Variants in CEP164 observed in about 807,000 individuals in gnomAD.
The protein encoded by CEP164 is centrosomal protein 164.
In CEP164, 162 loss-of-function variants were observed where a neutral mutation model predicts 182.7. That is an observed-to-expected ratio of 0.89 (90% CI 0.78 to 1.01). The LOEUF (loss-of-function observed/expected upper bound fraction) is 1.01, where lower values mean the gene tolerates loss of function less well. Among genes scored for constraint, CEP164 ranks in the 50% least tolerant of loss-of-function variants. CEP164 has a pLI of 0.00. For synonymous variants in CEP164, 661 were observed against 690.0 expected (o/e 0.96, Z 0.66); for missense variants, 1,735 against 1,790.4 (o/e 0.97, Z 0.56).
chr11:117,387,318 A>G lies in CEP164; in HGVS notation c.1840A>G (p.Lys614Glu). ...AGACCAGAGGCACCTGCTGGAATCC[A>G]AGCAAGAGAAGATGCAGCAACTGCG... is the stretch of plus-strand genomic sequence containing the variant. ...EQDQRHLLES[K>E]QEKMQQLREK... Residue 614 changes from lysine to glutamate, a missense_variant, in exon 15 of 33, where the codon AAG (lysine) becomes GAG (glutamate). Transcript: ENST00000278935. The G allele has an allele frequency of 6.2e-7, 1 of 1,614,162 alleles. No homozygotes were observed. The highest frequency in any genetic ancestry group is 8.5e-7 in the Non-Finnish European group (1 of 1,180,004).
chr11:117,383,913 A>G (rs1259770787), intron 14 of CEP164, among the ~76,000 whole-genome samples: 3 of 152,182 alleles, frequency 2.0e-5, no homozygotes, highest in Non-Finnish European at 4.4e-5. Flanking sequence ...GCAGGTGCCT[A>G]TAATCCCAGC....
intron 8 of CEP164, chr11:117,363,989 C>G (rs979999297): frequency 6.6e-6 from 1 of 152,136 alleles, no homozygotes; most frequent in Non-Finnish European, 1.5e-5. Flanking sequence ...TGGTTTCAAA[C>G]TCCCGGTCTC....
intron 8 of CEP164, among the ~76,000 whole-genome samples, chr11:117,366,340 T>C (rs929356787): frequency 1.3e-5 from 2 of 152,196 alleles, no homozygotes; most frequent in African/African-American, 4.8e-5. Flanking sequence ...CCTGTCTCAC[T>C]GAGCAGTCAC....
chr11:117,353,306 C>T lies in CEP164; in HGVS notation c.393+1318C>T, dbSNP rs145074209. 2.7e-3 allele frequency among the ~76,000 whole-genome samples: 415 copies of T among 152,268 alleles called. 2 individuals carry two copies. The highest frequency in any genetic ancestry group is 9.4e-3 in the African/African-American group (389 of 41,540). ...CCTCCCCTCCCTGACATGTTACTCA[C>T]GGTTCTGAGAAACATGGTAACAAGC... On this transcript the variant is annotated intron_variant, in intron 5 of 32. Coordinates refer to ENST00000278935, the MANE Select transcript of CEP164 (RefSeq NM_014956.5).
chr11:117,397,872 A>C (rs1236278219), intron 27 of CEP164, among the ~76,000 whole-genome samples: 1 of 152,136 alleles, frequency 6.6e-6, no homozygotes, highest in East Asian at 1.9e-4. Flanking sequence ...AAACCATATC[A>C]TTCCACCCCT....
Position 117,409,455 on chromosome 11 carries a change from C to T in CEP164, c.3749-163C>T, listed in dbSNP as rs1448798214. On this transcript the variant is annotated intron_variant, in intron 29 of 32. Coordinates refer to ENST00000278935, the MANE Select transcript of CEP164 (RefSeq NM_014956.5). This position sits in a 1 kb window ranked among gnomAD's most constrained non-coding sequence, Gnocchi z 4.4. ...AGCTTCTCACTTGCACTGTCTGGAA[C>T]ACAGAAGCCCTGCCATCCCTGACCC... 1.8e-5 allele frequency: 12 copies of T among 675,320 alleles called. No individual in the cohort carries two copies. Among genetic ancestry groups the T allele is most frequent in the Non-Finnish European group, 2.8e-5 (11 of 394,968 alleles). The allele number at this position is 675,320 out of a possible 1,614,324, so 41.8% of individuals were successfully genotyped here.
At chr11:117,382,630 C>G (rs1258022002) in intron 13 of CEP164, 166 bp from the exon 14 acceptor site, 1 of 719,500 alleles carries the variant, frequency 1.4e-6, no homozygotes, top group African/African-American at 1.8e-5. Context: ...GCAAATAATT[C>G]AGGGAGAGGA....
intron 5 of CEP164, among the ~76,000 whole-genome samples, chr11:117,360,936 C>CTTTT (rs1247919224): frequency 7.6e-6 from 1 of 130,954 alleles, no homozygotes; most frequent in African/African-American, 2.9e-5. Flanking sequence ...TCTTATATGG[C>CTTTT]TTTTTTTTTT....
chr11:117,382,747 C>T, intron 13 of CEP164, 49 bp from the exon 14 acceptor site: 1 of 1,599,000 alleles, frequency 6.3e-7, no homozygotes, highest in Non-Finnish European at 8.5e-7. Context: ...TCTTAAGCCT[C>T]TTGCTTTCTT....
intron 2 of CEP164, 103 bp from the exon 3 acceptor site, chr11:117,338,463 A>G (rs570815921): frequency 1.5e-5 from 12 of 803,952 alleles, no homozygotes; most frequent in Non-Finnish European, 2.1e-5. Flanking sequence ...ATTGCTCTGC[A>G]GGGTCTGGTT....
At chr11:117,393,564 C>A (rs1444198992) in intron 20 of CEP164, among the ~76,000 whole-genome samples, 2 of 152,152 alleles carry the variant, frequency 1.3e-5, no homozygotes, top group African/African-American at 4.8e-5. Flanking sequence ...GATGAGGGCA[C>A]TGAGACTTGG....
At position 117,377,698 on chromosome 11, in the gene CEP164, C is replaced by A. The variant is rs139918004; in HGVS notation, c.1317+1907C>A. Among the ~76,000 whole-genome samples the A allele has an allele frequency of 2.4e-3, 371 of 152,250 alleles. 3 individuals are homozygous for A. The highest frequency in any genetic ancestry group is 8.5e-3 in the African/African-American group (354 of 41,542). ...TAACTGAGCTATACTAGTTTTTGTT[C>A]ATTTAAAATATTTGCAATGCAGCTT... On this transcript the variant is annotated intron_variant, in intron 11 of 32. Coordinates refer to ENST00000278935, the MANE Select transcript of CEP164 (RefSeq NM_014956.5).
intron 11 of CEP164, among the ~76,000 whole-genome samples, 192 bp from the exon 12 acceptor site, chr11:117,380,422 T>C (rs569447597): frequency 1.2e-3 from 176 of 152,306 alleles, no homozygotes; most frequent in Non-Finnish European, 2.0e-3. Context: ...AGGGAGCAGC[T>C]GTGAACCTAG....
rs1240341497 is a variant in CEP164, at chr11:117,339,519, TTTG to T, written c.82+854_82+856del. On this transcript the variant is annotated intron_variant, in intron 3 of 32. Transcript: ENST00000278935. ...TACCTTATTACCTTTTCCTTTGTTT[TTTG>T]TTTTTTTTTTTTTTTTTTTTTTTTG... 2.6e-4 allele frequency among the ~76,000 whole-genome samples: 22 copies of T among 85,600 alleles called. 1 individual carries two copies. Among genetic ancestry groups the T allele is most frequent in the East Asian group, 1.3e-3 (3 of 2,346 alleles). The allele number at this position is 85,600 out of a possible 152,430, so 56.2% of individuals were successfully genotyped here.
intron 2 of CEP164, among the ~76,000 whole-genome samples, chr11:117,337,643 C>T (rs934635709): frequency 3.3e-5 from 5 of 152,118 alleles, no homozygotes; most frequent in Admixed American, 2.6e-4. Context: ...CTTCTTCATT[C>T]CCCTGCTTCT....
At chr11:117,342,010 G>C (rs1391566567) in intron 3 of CEP164, among the ~76,000 whole-genome samples, 2 of 151,892 alleles carry the variant, frequency 1.3e-5, no homozygotes, top group Non-Finnish European at 2.9e-5. Flanking sequence ...CATTTCTAGA[G>C]GAATGCTCTT....
chr11:117,372,081 T>G (rs947202961), intron 9 of CEP164, among the ~76,000 whole-genome samples: 1 of 149,938 alleles, frequency 6.7e-6, no homozygotes, highest in Non-Finnish European at 1.5e-5. Flanking sequence ...GCTCAAGTGA[T>G]CTGCCCACCT....
chr11:117,387,015 A>G lies in CEP164; in HGVS notation c.1725-188A>G, dbSNP rs139720421. 1.7e-4 allele frequency: 105 copies of G among 602,902 alleles called. No homozygotes were observed. In the East Asian group the frequency reaches 2.6e-3, roughly 15 times the overall value. The allele number at this position is 602,902 out of a possible 1,614,324, so 37.3% of individuals were successfully genotyped here. ...GCTCTTGGGGCCTTAAACAGCCACA[A>G]TGGGGCTTGTCCTATGGAACAAGCA... On this transcript the variant is annotated intron_variant, in intron 14 of 32. Coordinates refer to ENST00000278935, the MANE Select transcript of CEP164 (RefSeq NM_014956.5).
chr11:117,388,867 G>A (rs1339432708), intron 15 of CEP164, among the ~76,000 whole-genome samples: 4 of 151,180 alleles, frequency 2.6e-5, no homozygotes, highest in African/African-American at 9.7e-5. Context: ...CCAGGTTCAC[G>A]CCATTCTCCT....
Sources: gnomAD v4.1 joint callset for allele counts (sites outside exome capture counted in the v4.1 genomes callset) on GRCh38, gnomAD v4.1.1 for gene constraint, Gnocchi (gnomAD v3.1) non-coding constraint, MANE v1.5 for transcripts, NCBI Gene and HGNC (gene_info 2026-07-23, HGNC 2026-07-21) for gene names.